The following AP1M1 variants were observed in gnomAD, a reference collection of about 807,000 sequenced individuals.
AP1M1 encodes the protein AP-1 complex subunit mu-1.
Under a neutral mutation model 57.1 loss-of-function variants are expected in AP1M1, and 18 were observed. The observed-to-expected ratio is 0.32, with a 90% CI of 0.22 to 0.47. The LOEUF (loss-of-function observed/expected upper bound fraction) is 0.47, where lower values mean the gene tolerates loss of function less well. Among genes scored for constraint, AP1M1 ranks in the 20% least tolerant of loss-of-function variants. The pLI, the probability that AP1M1 is intolerant of heterozygous loss-of-function variation, is 1.00. For missense variants in AP1M1, 362 were observed against 593.5 expected (o/e 0.61, Z 4.05); for synonymous variants, 241 against 237.9 (o/e 1.01, Z -0.12).
intron 9 of AP1M1, among the ~76,000 whole-genome samples, chr19:16,230,263 G>A (rs553660414): frequency 2.0e-5 from 3 of 152,360 alleles, no homozygotes; most frequent in South Asian, 4.1e-4. Context: ...CCTGCGTTGA[G>A]CAAGTCTGTT....
In AP1M1 at chr19:16,206,056, C is replaced by A. The variant is rs1477236484; in HGVS notation, c.200-285C>A. 6.6e-6 allele frequency among the ~76,000 whole-genome samples: 1 copy of A among 152,128 alleles called. No homozygotes were observed. The highest frequency in any genetic ancestry group is 2.4e-5 in the African/African-American group (1 of 41,438). ...CCTCCCTGCTCAAGGCAGCCCTTCA[C>A]CCAGCCGCCGGGACAGGTGCCCTGT... On this transcript the variant is annotated intron_variant, in intron 2 of 11. Coordinates refer to ENST00000291439, the MANE Select transcript of AP1M1 (RefSeq NM_032493.4). The surrounding 1 kb of genome is among the most constrained non-coding windows in gnomAD (Gnocchi z 4.3).
rs2091633848 is a variant in AP1M1 at position 16,238,597 on chromosome 19, T to A, written c.*4162T>A. On this transcript the variant is annotated 3_prime_UTR_variant, in exon 12 of 12. Coordinates refer to ENST00000291439, the MANE Select transcript of AP1M1 (RefSeq NM_032493.4). ...CGAGATGCTTGAGAATTTGAAAAAA[T>A]TCACATCCCTGGTTATCTCTGAAAG... 6.6e-6 allele frequency: 1 copy of A among 152,070 alleles called. No individual in the cohort carries two copies. Among genetic ancestry groups the A allele is most frequent in the Admixed American group, 6.6e-5 (1 of 15,254 alleles). The allele number at this position is 152,070 out of a possible 1,614,324, so 9.4% of individuals were successfully genotyped here.
At chr19:16,208,195 A>T in intron 4 of AP1M1, 46 bp downstream of exon 4, 2 of 1,563,284 alleles carry the variant, frequency 1.3e-6, no homozygotes, top group African/African-American at 1.4e-5. Context: ...GGGCGGTGTC[A>T]TGACATCGAC....
At chr19:16,232,560 C>T (rs1026806407) in intron 9 of AP1M1, among the ~76,000 whole-genome samples, 19 of 152,242 alleles carry the variant, frequency 1.2e-4, no homozygotes, top group African/African-American at 4.1e-4. Context: ...ATCTTCCCCC[C>T]GTCATCCTCC....
rs1217547827 is a variant in AP1M1, at chr19:16,240,640, G to T, written c.*6205G>T. ...AATTTTTGTATTTTTTGTAGAGATG[G>T]GGTTTCACTATGTTGGTCAAGATGG... On this transcript the variant is annotated 3_prime_UTR_variant, in exon 12 of 12. Transcript: ENST00000291439. The T allele has an allele frequency of 6.6e-6, 1 of 151,904 alleles. No homozygotes were observed. The highest frequency in any genetic ancestry group is 6.6e-5 in the Admixed American group (1 of 15,240). 9.4% of individuals were successfully genotyped at this position (151,904 alleles called of 1,614,324 possible).
chr19:16,213,718 C>T (rs568915), intron 5 of AP1M1, among the ~76,000 whole-genome samples: 4,692 of 152,262 alleles, frequency 0.031, 249 homozygotes, highest in African/African-American at 0.11. Flanking sequence ...GTCTCGAACT[C>T]CTGACCTCAA....
chr19:16,224,368 G>A (rs1047806075), intron 5 of AP1M1, among the ~76,000 whole-genome samples: 12 of 152,354 alleles, frequency 7.9e-5, no homozygotes, highest in East Asian at 3.9e-4. Flanking sequence ...ATGTGGCTCC[G>A]CCCGGAAGGA....
At position 16,237,144 on chromosome 19, in the gene AP1M1, G is replaced by A. The variant is rs932678585; in HGVS notation, c.*2709G>A. On this transcript the variant is annotated 3_prime_UTR_variant, in exon 12 of 12. Transcript: ENST00000291439. ...ATGAAGAAGATGAAATACAAATGGCGACCGTTCGGCCAGGCGTGGTGGCTC... is the reference window on the plus strand; with the variant it reads ...ATGAAGAAGATGAAATACAAATGGCAACCGTTCGGCCAGGCGTGGTGGCTC... The A allele has an allele frequency of 6.6e-6, 1 of 152,196 alleles. No individual in the cohort carries two copies. The highest frequency in any genetic ancestry group is 6.5e-5 in the Admixed American group (1 of 15,284). 9.4% of individuals were successfully genotyped at this position (152,196 alleles called of 1,614,324 possible).
chr19:16,229,578 C>T (rs1044464194), intron 9 of AP1M1, among the ~76,000 whole-genome samples: 1 of 151,902 alleles, frequency 6.6e-6, no homozygotes, highest in African/African-American at 2.4e-5. Flanking sequence ...ATGTTCTCCC[C>T]TCTCTCTCCA....
intron 5 of AP1M1, among the ~76,000 whole-genome samples, chr19:16,223,111 T>C (rs1215078099): frequency 6.6e-6 from 1 of 152,158 alleles, no homozygotes; most frequent in Non-Finnish European, 1.5e-5. Flanking sequence ...ATGGGAAATA[T>C]TGATATTTTT....
intron 9 of AP1M1, among the ~76,000 whole-genome samples, chr19:16,232,350 G>A (rs969974162): frequency 6.6e-6 from 1 of 152,218 alleles, no homozygotes; most frequent in African/African-American, 2.4e-5. Context: ...AAACCCACTC[G>A]GCTCAACGTG....
intron 5 of AP1M1, among the ~76,000 whole-genome samples, chr19:16,212,871 G>A (rs2091501379): frequency 6.6e-6 from 1 of 152,192 alleles, no homozygotes; most frequent in Non-Finnish European, 1.5e-5. Flanking sequence ...TAATTTGGGA[G>A]CAGGTTGTTT....
At position 16,243,913 on chromosome 19, in the gene AP1M1, A is replaced by C. The variant is rs1408515150; in HGVS notation, c.*9478A>C. The C allele has an allele frequency of 6.6e-6, 1 of 152,204 alleles. No homozygotes were observed. Among genetic ancestry groups the C allele is most frequent in the Non-Finnish European group, 1.5e-5 (1 of 68,032 alleles). The allele number at this position is 152,204 out of a possible 1,614,324, so 9.4% of individuals were successfully genotyped here. ...AGCTGAGATTGTGCCACTGCACTCC[A>C]GCCTGGGCAACGAAACGAGAGTCTG... is the stretch of plus-strand genomic sequence containing the variant. On this transcript the variant is annotated 3_prime_UTR_variant, in exon 12 of 12. Transcript: ENST00000291439.
intron 4 of AP1M1, 26 bp from the exon 5 acceptor site, chr19:16,209,004 T>C (rs2091481693): frequency 6.2e-6 from 10 of 1,606,358 alleles, no homozygotes; most frequent in Non-Finnish European, 8.5e-6. Flanking sequence ...TACCACCTCC[T>C]TCACTCTGAG....
rs879441373 is a variant in AP1M1 at position 16,236,437 on chromosome 19, C to G, written c.*2002C>G. On this transcript the variant is annotated 3_prime_UTR_variant, in exon 12 of 12. Transcript: ENST00000291439. ...CGAAGGAAGTAGACGCGGAAGACAC[C>G]GTGGGGGCTCACACCGGAGTTGCTC... 2.0e-5 allele frequency: 3 copies of G among 152,218 alleles called. No individual in the cohort carries two copies. The highest frequency in any genetic ancestry group is 7.2e-5 in the African/African-American group (3 of 41,424). The allele number at this position is 152,218 out of a possible 1,614,324, so 9.4% of individuals were successfully genotyped here.
chr19:16,242,863 C>T lies in AP1M1; in HGVS notation c.*8428C>T, dbSNP rs1432699694. 1 of 152,194 alleles carries T rather than the reference C, an allele frequency of 6.6e-6. No individual in the cohort carries two copies. Among genetic ancestry groups the T allele is most frequent in the Non-Finnish European group, 1.5e-5 (1 of 68,044 alleles). The allele number at this position is 152,194 out of a possible 1,614,324, so 9.4% of individuals were successfully genotyped here. A position where few individuals can be genotyped will look rare whatever the true frequency, so the allele number is the denominator to read the frequency against. On this transcript the variant is annotated 3_prime_UTR_variant, in exon 12 of 12. Transcript: ENST00000291439. The stretch of plus-strand genomic sequence containing the variant: ...CCGCCTCCCGGGTTCAAGTGATTCT[C>T]CTGCCTCAGTCTCCTCAGTAGCTGG...
At chr19:16,211,374 G>A (rs2091492781) in intron 5 of AP1M1, among the ~76,000 whole-genome samples, 2 of 152,066 alleles carry the variant, frequency 1.3e-5, no homozygotes, top group Non-Finnish European at 2.9e-5. Context: ...GATTACAGGC[G>A]TCGGCCACCA....
At chr19:16,208,884 T>A (rs2091481169) in intron 4 of AP1M1, 146 bp from the exon 5 acceptor site, 2 of 943,596 alleles carry the variant, frequency 2.1e-6, no homozygotes. Flanking sequence ...CTGCCTTTTC[T>A]GGAGCTGCTG....
In AP1M1 at chr19:16,206,808, G is replaced by A. The variant is rs142793066; in HGVS notation, c.267+400G>A. ...GGCTCTCAAGGCACAGATGCCTGAC[G>A]CCCACCTTGGAGAGAGCTGACACGC... On this transcript the variant is annotated intron_variant, in intron 3 of 11. Coordinates refer to ENST00000291439, the MANE Select transcript of AP1M1 (RefSeq NM_032493.4). The surrounding 1 kb of genome is among the most constrained non-coding windows in gnomAD (Gnocchi z 4.3). Among the ~76,000 whole-genome samples the A allele has an allele frequency of 7.0e-4, 106 of 152,304 alleles. No individual in the cohort carries two copies. The highest frequency in any genetic ancestry group is 2.5e-3 in the African/African-American group (102 of 41,580).
Sources: allele counts gnomAD v4.1 joint callset (sites outside exome capture counted in the v4.1 genomes callset), GRCh38; gene constraint gnomAD v4.1.1; non-coding constraint Gnocchi (gnomAD v3.1); transcripts MANE v1.5; gene names NCBI Gene and HGNC (gene_info 2026-07-23, HGNC 2026-07-21).